Variants in DNER observed in about 807,000 individuals in gnomAD.
DNER encodes the protein delta/notch like EGF repeat containing, also known as delta and Notch-like epidermal growth factor-related receptor.
A neutral mutation model predicts 78.2 loss-of-function variants in DNER; 33 were observed. That is an observed-to-expected ratio of 0.42 (90% confidence interval 0.32 to 0.56). The LOEUF is 0.56. DNER is among the 20% of genes least tolerant of loss of function. The pLI, the probability that DNER is intolerant of heterozygous loss-of-function variation, is 0.11. For missense variants in DNER, 918 were observed against 975.3 expected, an observed-to-expected ratio of 0.94 and a Z score of 0.78; for synonymous variants, 417 against 384.8, an observed-to-expected ratio of 1.08 and a Z score of -0.98.
intron 5 of DNER, among the ~76,000 whole-genome samples, chr2:229,518,525 A>T (rs993449353): frequency 1.3e-5 from 2 of 152,250 alleles, no homozygotes; most frequent in African/African-American, 4.8e-5. Context: ...ATAGGCTTTT[A>T]TCTCAATCAA....
rs754198773 is a variant in DNER, at chr2:229,447,471, G to C, written c.1331C>G (p.Thr444Ser). ...CASSPCQNNG[T>S]CYVDGVHFTC... ...AAAGTGTACCCCGTCCACATAGCAG[G>C]TGCCGTTGTTCTGGCACGGAGACGA... Residue 444 changes from threonine to serine, a missense_variant, in exon 8 of 13, where the codon ACC becomes AGC. Thr to Ser is a moderately conservative substitution (Grantham distance 58, BLOSUM62 1). Coordinates refer to ENST00000341772, the MANE Select transcript of DNER (RefSeq NM_139072.4). The C allele has an allele frequency of 3.1e-6, 5 of 1,614,024 alleles. No homozygotes were observed. Among genetic ancestry groups the C allele is most frequent in the Non-Finnish European group, 4.2e-6 (5 of 1,180,038 alleles).
chr2:229,540,833 G>A (rs1409443110), intron 5 of DNER, among the ~76,000 whole-genome samples: 1 of 152,228 alleles, frequency 6.6e-6, no homozygotes, highest in Non-Finnish European at 1.5e-5. Flanking sequence ...CAACGTCTCA[G>A]TAGTCAGCTC....
chr2:229,576,132 G>A (rs1697295817), intron 4 of DNER, among the ~76,000 whole-genome samples: 1 of 151,930 alleles, frequency 6.6e-6, no homozygotes, highest in Non-Finnish European at 1.5e-5. Flanking sequence ...ACTCAATTGT[G>A]GTTTTAAAAT....
intron 1 of DNER, among the ~76,000 whole-genome samples, chr2:229,593,280 C>T (rs1259488059): frequency 2.0e-5 from 3 of 152,200 alleles, no homozygotes; most frequent in African/African-American, 4.8e-5. Context: ...TTGTAGCCTA[C>T]TGTCCTCACC....
At chr2:229,521,911 A>G (rs571130863) in intron 5 of DNER, among the ~76,000 whole-genome samples, 38 of 152,266 alleles carry the variant, frequency 2.5e-4, no homozygotes, top group African/African-American at 8.9e-4. Flanking sequence ...TTACACATGT[A>G]ACTTAACATG....
At chr2:229,705,227 C>T (rs1374268514) in intron 1 of DNER, among the ~76,000 whole-genome samples, 3 of 152,152 alleles carry the variant, frequency 2.0e-5, no homozygotes, top group South Asian at 4.2e-4. Context: ...AATCTGCCTC[C>T]GAAACCCAAA....
intron 10 of DNER, among the ~76,000 whole-genome samples, chr2:229,394,044 C>A (rs555204227): frequency 6.6e-6 from 1 of 152,152 alleles, no homozygotes; most frequent in Non-Finnish European, 1.5e-5. Context: ...AGATGTGCAA[C>A]AAACCCCAAG....
chr2:229,621,172 A>G (rs936147051), intron 1 of DNER, among the ~76,000 whole-genome samples: 1 of 149,016 alleles, frequency 6.7e-6, no homozygotes, highest in African/African-American at 2.5e-5. Flanking sequence ...ACAAAACAAA[A>G]GTGATAAATA....
rs1574824747 is a variant in DNER at position 229,396,843 on chromosome 2, CA to C, written c.1724-8448del. Among the ~76,000 whole-genome samples, 5 of 152,040 alleles carry C rather than the reference CA, an allele frequency of 3.3e-5. No homozygotes were observed. The East Asian group carries it at 5.8e-4, about 18-fold the overall frequency. The stretch of plus-strand genomic sequence containing the variant: ...AAAGGGGAAAATTATGCCAGGGCAA[CA>C]AAAAGTACCTCTGAGACTCTGGTTA... On this transcript the variant is annotated intron_variant, in intron 10 of 12. Coordinates refer to ENST00000341772, the MANE Select transcript of DNER (RefSeq NM_139072.4).
chr2:229,636,755 G>A (rs554857944), intron 1 of DNER, among the ~76,000 whole-genome samples: 1 of 152,256 alleles, frequency 6.6e-6, no homozygotes, highest in East Asian at 1.9e-4. Context: ...CTCCTTTGCA[G>A]TTGGGTGTGG....
intron 4 of DNER, among the ~76,000 whole-genome samples, chr2:229,571,056 G>A (rs765931403): frequency 9.2e-5 from 14 of 152,252 alleles, no homozygotes; most frequent in South Asian, 4.1e-4. Flanking sequence ...GGGGTGAAGC[G>A]GGGAGGCCAG....
At chr2:229,513,882 A>C (rs1228363184) in intron 5 of DNER, among the ~76,000 whole-genome samples, 1 of 151,112 alleles carries the variant, frequency 6.6e-6, no homozygotes, top group Non-Finnish European at 1.5e-5. Flanking sequence ...TTATCCCCTC[A>C]CCCTCCCTCC....
intron 4 of DNER, among the ~76,000 whole-genome samples, chr2:229,577,193 G>T (rs1050696385): frequency 6.6e-6 from 1 of 152,174 alleles, no homozygotes; most frequent in African/African-American, 2.4e-5. Flanking sequence ...CAGGAAAATT[G>T]ATTTGAATGG....
At chr2:229,621,804 G>A (rs556240323) in intron 1 of DNER, among the ~76,000 whole-genome samples, 1 of 152,166 alleles carries the variant, frequency 6.6e-6, no homozygotes. Flanking sequence ...CATATAAAAG[G>A]GCCGGGCGCA....
At chr2:229,607,863 A>T (rs1697968062) in intron 1 of DNER, among the ~76,000 whole-genome samples, 2 of 151,904 alleles carry the variant, frequency 1.3e-5, no homozygotes, top group Admixed American at 1.3e-4. Context: ...CCTCTACTAA[A>T]AATACAAAAT....
At chr2:229,708,882 T>C (rs919690103) in intron 1 of DNER, among the ~76,000 whole-genome samples, 3 of 152,230 alleles carry the variant, frequency 2.0e-5, no homozygotes, top group African/African-American at 7.2e-5. Context: ...GTTTCCTGCT[T>C]TTCTTAACAT....
intron 1 of DNER, among the ~76,000 whole-genome samples, chr2:229,609,298 G>A (rs1375450308): frequency 6.6e-6 from 1 of 152,036 alleles, no homozygotes; most frequent in Non-Finnish European, 1.5e-5. Flanking sequence ...GTAGCCCAGG[G>A]GCTGGCAAAT....
chr2:229,637,188 T>C (rs1698544561), intron 1 of DNER, among the ~76,000 whole-genome samples: 1 of 152,188 alleles, frequency 6.6e-6, no homozygotes, highest in South Asian at 2.1e-4. Context: ...CTGTCATCAA[T>C]CATTTAATTC....
intron 1 of DNER, among the ~76,000 whole-genome samples, chr2:229,644,665 T>G (rs752123962): frequency 2.2e-4 from 33 of 152,074 alleles, no homozygotes; most frequent in Non-Finnish European, 4.3e-4. Flanking sequence ...GTATAGATGC[T>G]CCCAAACTCA....
Sources: allele counts gnomAD v4.1 joint callset (sites outside exome capture counted in the v4.1 genomes callset), GRCh38; gene constraint gnomAD v4.1.1; transcripts MANE v1.5; gene names NCBI Gene and HGNC (gene_info 2026-07-23, HGNC 2026-07-21).